The following PCDHA5 variants were observed in gnomAD, a reference collection of about 807,000 sequenced individuals.
PCDHA5 encodes the protein protocadherin alpha 5, also known as protocadherin alpha-5.
Under a neutral mutation model 61.6 loss-of-function variants are expected in PCDHA5, and 43 were observed. The ratio of observed to expected loss-of-function variants is 0.70; its 90% CI spans 0.55 to 0.90. The LOEUF is 0.90. Ranked by LOEUF, PCDHA5 falls within the 40% of genes least tolerant of loss-of-function variation. The pLI is 0.00. For missense variants in PCDHA5, 1,298 were observed against 1,222.7 expected, an observed-to-expected ratio of 1.06 and a Z score of -0.92; for synonymous variants, 627 against 543.9, an observed-to-expected ratio of 1.15 and a Z score of -2.13.
chr5:140,836,758 G>T, intron 1 of PCDHA5: 2 of 1,572,510 alleles, frequency 1.3e-6, no homozygotes, highest in South Asian at 2.4e-5. Flanking sequence ...AAATAATCTT[G>T]TTTCCAACAA....
intron 1 of PCDHA5, chr5:140,851,624 A>G (rs1224878154): frequency 1.1e-6 from 1 of 920,370 alleles, no homozygotes; most frequent in Non-Finnish European, 1.3e-6. Context: ...AATGCTTTTT[A>G]AACAAGTGTT....
At chr5:140,854,341 G>A (rs1388413417) in intron 1 of PCDHA5, 1 of 189,830 alleles carries the variant, frequency 5.3e-6, no homozygotes, top group Non-Finnish European at 9.6e-6. Flanking sequence ...TTACGCTCCA[G>A]ATAGCTAAAA....
At position 140,870,592 on chromosome 5, in the gene PCDHA5, C is replaced by T. The variant is rs202164332; in HGVS notation, c.2352+46465C>T. The T allele has an allele frequency of 8.8e-4, 1,421 of 1,613,554 alleles. 8 individuals carry two copies. The African/African-American group carries it at 0.017, about 19-fold the overall frequency. On this transcript the variant is annotated intron_variant, in intron 1 of 3. Coordinates refer to ENST00000529859, the MANE Select transcript of PCDHA5 (RefSeq NM_018908.3). ...GGTGTCCTACTCGCTGGTGGAGCGGCGGTTGGGCGACCGCGCGCTGTCGAG... is the reference window on the plus strand; with the variant it reads ...GGTGTCCTACTCGCTGGTGGAGCGGTGGTTGGGCGACCGCGCGCTGTCGAG...
At chr5:140,893,881 C>T (rs1385683702) in intron 1 of PCDHA5, among the ~76,000 whole-genome samples, 1 of 152,066 alleles carries the variant, frequency 6.6e-6, no homozygotes, top group Non-Finnish European at 1.5e-5. Flanking sequence ...TCCAAAGTGG[C>T]CAGAAAGTTA....
At chr5:140,919,175 T>C (rs1282672890) in intron 1 of PCDHA5, among the ~76,000 whole-genome samples, 1 of 152,248 alleles carries the variant, frequency 6.6e-6, no homozygotes, top group Non-Finnish European at 1.5e-5. Context: ...AGTTGCTATA[T>C]CTTCCTGATT....
Position 140,824,144 on chromosome 5 carries a change from T to C in PCDHA5, c.2352+17T>C, listed in dbSNP as rs2150132609. 3.7e-6 allele frequency: 6 copies of C among 1,611,910 alleles called. No individual in the cohort carries two copies. The highest frequency in any genetic ancestry group is 4.2e-6 in the Non-Finnish European group (5 of 1,178,008). ...ACAGACAACGTGAGTTTTCTAATAT[T>C]AACATCCATCTTTCCCTCCCAATTT... is the stretch of plus-strand genomic sequence containing the variant. On this transcript the variant is annotated intron_variant, in intron 1 of 3. Coordinates refer to ENST00000529859, the MANE Select transcript of PCDHA5 (RefSeq NM_018908.3).
chr5:140,863,443 C>A (rs1389927128), intron 1 of PCDHA5: 2 of 591,510 alleles, frequency 3.4e-6, no homozygotes, highest in Non-Finnish European at 3.2e-6. Flanking sequence ...TGGTCTTACT[C>A]GCAGCAAAGG....
chr5:141,009,571 T>C, intron 3 of PCDHA5, 56 bp from the exon 4 acceptor site: 10 of 1,578,600 alleles, frequency 6.3e-6, no homozygotes, highest in Non-Finnish European at 7.7e-6. Context: ...ACCAGCAGTG[T>C]GGCATCAAGA....
In PCDHA5 at chr5:140,822,940, A is replaced by T; in HGVS notation, c.1165A>T (p.Met389Leu). ...CAACGGGCAGGTGACCTGCTCCCTA[A>T]TGCCCCACGTTCCCTTCAAGCTGGT... ...GANGQVTCSL[M>L]PHVPFKLVST... Residue 389 changes from methionine (M) to leucine (L), a missense_variant, in exon 1 of 4, where the codon ATG becomes TTG. Physicochemically the swap from Met to Leu is conservative, Grantham distance 15. Transcript: ENST00000529859. 1 of 1,614,204 alleles carries T rather than the reference A, an allele frequency of 6.2e-7. No individual in the cohort carries two copies. The highest frequency in any genetic ancestry group is 8.5e-7 in the Non-Finnish European group (1 of 1,180,038).
At chr5:140,879,876 A>G (rs1326051828) in intron 1 of PCDHA5, among the ~76,000 whole-genome samples, 1 of 152,126 alleles carries the variant, frequency 6.6e-6, no homozygotes, top group Non-Finnish European at 1.5e-5. Flanking sequence ...TCATGGTCAC[A>G]TTGCCTCCTC....
At chr5:140,937,839 A>G (rs2091791639) in intron 1 of PCDHA5, among the ~76,000 whole-genome samples, 1 of 150,456 alleles carries the variant, frequency 6.6e-6, no homozygotes, top group Non-Finnish European at 1.5e-5. Flanking sequence ...ATGAACCTGG[A>G]AGGCGGAACT....
intron 3 of PCDHA5, among the ~76,000 whole-genome samples, chr5:140,984,073 G>A (rs1294401230): frequency 4.6e-5 from 7 of 152,222 alleles, no homozygotes; most frequent in Non-Finnish European, 7.3e-5. Context: ...CAGTGCCAAC[G>A]ATGGAGTGAA....
intron 1 of PCDHA5, chr5:140,841,056 A>T: frequency 2.2e-6 from 1 of 445,048 alleles, no homozygotes; most frequent in Non-Finnish European, 3.9e-6. Context: ...TTACTATTAA[A>T]TTATGATAAA....
intron 1 of PCDHA5, chr5:140,843,306 C>A: frequency 6.3e-7 from 1 of 1,596,008 alleles, no homozygotes; most frequent in Non-Finnish European, 8.6e-7. Flanking sequence ...CTGACCGCCA[C>A]GGCCACGGTT....
At chr5:140,833,945 ATCTT>A (rs2150125418) in intron 1 of PCDHA5, among the ~76,000 whole-genome samples, 1 of 152,258 alleles carries the variant, frequency 6.6e-6, no homozygotes, top group East Asian at 1.9e-4. Flanking sequence ...TTAGGTTTCT[ATCTT>A]TATTTAAAAC....
intron 1 of PCDHA5, among the ~76,000 whole-genome samples, chr5:140,941,249 TTCTTTC>T (rs1367740560): frequency 3.0e-4 from 42 of 138,342 alleles, no homozygotes; most frequent in South Asian, 7.1e-4. Context: ...CTTTCTTTCT[TTCTTTC>T]TCTTTCTTTC....
intron 3 of PCDHA5, among the ~76,000 whole-genome samples, chr5:140,999,034 T>A (rs953509791): frequency 6.6e-6 from 1 of 152,210 alleles, no homozygotes; most frequent in East Asian, 1.9e-4. Flanking sequence ...TGATACTTCG[T>A]CCAGTGTGCT....
intron 1 of PCDHA5, chr5:140,835,840 A>G (rs1773975700): frequency 6.2e-7 from 1 of 1,612,274 alleles, no homozygotes; most frequent in Non-Finnish European, 8.5e-7. Flanking sequence ...GACGCGCAGA[A>G]GAACGCGCTG....
At chr5:140,961,743 A>G (rs1585893660) in intron 1 of PCDHA5, among the ~76,000 whole-genome samples, 1 of 152,170 alleles carries the variant, frequency 6.6e-6, no homozygotes, top group East Asian at 1.9e-4. Flanking sequence ...CTTTAGTAAT[A>G]TTACAGTTTT....
Sources: allele counts gnomAD v4.1 joint callset (sites outside exome capture counted in the v4.1 genomes callset), GRCh38; gene constraint gnomAD v4.1.1; transcripts MANE v1.5; gene names NCBI Gene and HGNC (gene_info 2026-07-23, HGNC 2026-07-21).